CNTNAP2: variants seen among roughly 807,000 people sequenced by gnomAD.
CNTNAP2 encodes contactin associated protein 2, also known as contactin-associated protein-like 2.
A neutral mutation model predicts 155.2 loss-of-function variants in CNTNAP2; 98 were observed. That is an observed-to-expected ratio of 0.63 (90% CI 0.54 to 0.75). CNTNAP2 has a LOEUF of 0.75. Ranked by LOEUF, CNTNAP2 falls within the 30% of genes least tolerant of loss-of-function variation. The pLI, the probability that CNTNAP2 is intolerant of heterozygous loss-of-function variation, is 0.00. For missense variants in CNTNAP2, 1,727 were observed against 1,688.1 expected (o/e 1.02, Z -0.40); for synonymous variants, 651 against 631.2 (o/e 1.03, Z -0.47).
In CNTNAP2 at chr7:147,555,207, G is replaced by A. The variant is rs553407202; in HGVS notation, c.1778-6931G>A. 2.9e-4 allele frequency among the ~76,000 whole-genome samples: 44 copies of A among 152,282 alleles called. No individual in the cohort carries two copies. In the South Asian group the frequency reaches 9.1e-3, roughly 32 times the overall value. ...TTTGAAAGCAAGATTAGGATCAGAA[G>A]GTGGTTTCATGGTTAAAAAGGGAGC... On this transcript the variant is annotated intron_variant, in intron 11 of 23. Coordinates refer to ENST00000361727, the MANE Select transcript of CNTNAP2 (RefSeq NM_014141.6).
intron 9 of CNTNAP2, among the ~76,000 whole-genome samples, chr7:147,372,417 A>G (rs901094623): frequency 2.6e-5 from 4 of 152,058 alleles, no homozygotes; most frequent in Non-Finnish European, 5.9e-5. Context: ...AAAACATTTC[A>G]TCTTTCTTGT....
chr7:148,333,307 A>G (rs886610396), intron 21 of CNTNAP2, among the ~76,000 whole-genome samples: 1 of 152,090 alleles, frequency 6.6e-6, no homozygotes, highest in Non-Finnish European at 1.5e-5. Flanking sequence ...ACACGCCTGT[A>G]ATCCCAGCTA....
chr7:146,248,809 C>T (rs1044150321), intron 1 of CNTNAP2, among the ~76,000 whole-genome samples: 13 of 152,116 alleles, frequency 8.5e-5, no homozygotes, highest in Admixed American at 8.5e-4. Flanking sequence ...GTCACGGCAC[C>T]AAATTTCATG....
chr7:146,309,675 G>A (rs1029444488), intron 1 of CNTNAP2, among the ~76,000 whole-genome samples: 28 of 151,982 alleles, frequency 1.8e-4, no homozygotes, highest in African/African-American at 4.1e-4. Flanking sequence ...GTTGGCGGGC[G>A]ACTGTAATCC....
chr7:146,146,110 A>T (rs2116765892), intron 1 of CNTNAP2, among the ~76,000 whole-genome samples: 1 of 152,318 alleles, frequency 6.6e-6, no homozygotes, highest in Admixed American at 6.5e-5. Context: ...CAGTTGAAAG[A>T]AATGTATAAC....
intron 9 of CNTNAP2, among the ~76,000 whole-genome samples, chr7:147,313,270 G>A (rs1184725078): frequency 6.6e-6 from 1 of 151,992 alleles, no homozygotes; most frequent in East Asian, 1.9e-4. Flanking sequence ...AGTTTAATTA[G>A]ATCCCATTTA....
At chr7:146,302,832 AG>A (rs1800634914) in intron 1 of CNTNAP2, among the ~76,000 whole-genome samples, 1 of 152,162 alleles carries the variant, frequency 6.6e-6, no homozygotes, top group African/African-American at 2.4e-5. Context: ...TTCTGTTACT[AG>A]AAATTCATCT....
chr7:147,921,114 T>C (rs187102713), intron 14 of CNTNAP2, among the ~76,000 whole-genome samples: 29 of 152,040 alleles, frequency 1.9e-4, no homozygotes, highest in African/African-American at 6.7e-4. Context: ...CTGCCTCCTT[T>C]TTTTTTTTTG....
intron 1 of CNTNAP2, among the ~76,000 whole-genome samples, chr7:146,175,402 A>T (rs1798456076): frequency 6.6e-6 from 1 of 152,172 alleles, no homozygotes; most frequent in South Asian, 2.1e-4. Flanking sequence ...TTCTGGTTCT[A>T]ATACATCCTT....
chr7:147,453,335 T>C (rs555958465), intron 10 of CNTNAP2, among the ~76,000 whole-genome samples: 2 of 152,310 alleles, frequency 1.3e-5, no homozygotes, highest in South Asian at 4.1e-4. Flanking sequence ...CTATGACTTC[T>C]GCTGTCTCAG....
chr7:146,200,056 T>C (rs1486757078), intron 1 of CNTNAP2, among the ~76,000 whole-genome samples: 53 of 152,164 alleles, frequency 3.5e-4, no homozygotes, highest in Admixed American at 3.4e-3. Flanking sequence ...TGTGAAGAAG[T>C]AGAATCTGTC....
chr7:146,154,527 A>G (rs994268609), intron 1 of CNTNAP2, among the ~76,000 whole-genome samples: 2 of 152,200 alleles, frequency 1.3e-5, no homozygotes, highest in Non-Finnish European at 2.9e-5. Context: ...CAAGGAAGTC[A>G]ATATTGAATT....
In CNTNAP2 at chr7:146,980,931, A is replaced by C. The variant is rs190670948; in HGVS notation, c.403-62976A>C. Among the ~76,000 whole-genome samples, 300 of 152,238 alleles carry C rather than the reference A, an allele frequency of 2.0e-3. 3 individuals carry two copies. The highest frequency in any genetic ancestry group is 6.4e-3 in the African/African-American group (266 of 41,530). On this transcript the variant is annotated intron_variant, in intron 3 of 23. Coordinates refer to ENST00000361727, the MANE Select transcript of CNTNAP2 (RefSeq NM_014141.6). ...TTCAGCTACTGAGTGTGGAAAACAG[A>C]CAAGAGAAGTCACAACTGCTTTTTC...
chr7:146,925,751 C>T (rs1796596067), intron 3 of CNTNAP2, among the ~76,000 whole-genome samples: 1 of 152,120 alleles, frequency 6.6e-6, no homozygotes, highest in Non-Finnish European at 1.5e-5. Context: ...GATGCTCTGA[C>T]AACACCTTGA....
intron 13 of CNTNAP2, among the ~76,000 whole-genome samples, chr7:147,848,303 G>A (rs920184973): frequency 2.0e-5 from 3 of 149,020 alleles, no homozygotes; most frequent in African/African-American, 4.9e-5. Flanking sequence ...CTCGTGGTGC[G>A]CCGTTTCTTA....
intron 21 of CNTNAP2, among the ~76,000 whole-genome samples, chr7:148,317,154 G>A (rs1797705639): frequency 6.6e-6 from 1 of 152,170 alleles, no homozygotes; most frequent in Admixed American, 6.5e-5. Context: ...TCAGGAGTTT[G>A]AGACCATCCT....
intron 11 of CNTNAP2, among the ~76,000 whole-genome samples, chr7:147,539,237 T>C (rs1049185893): frequency 6.6e-6 from 1 of 152,140 alleles, no homozygotes; most frequent in Non-Finnish European, 1.5e-5. Flanking sequence ...AGATAATAGC[T>C]AGCATAATGA....
chr7:147,840,000 A>G (rs1048222449), intron 13 of CNTNAP2, among the ~76,000 whole-genome samples: 2 of 152,024 alleles, frequency 1.3e-5, no homozygotes, highest in Non-Finnish European at 2.9e-5. Flanking sequence ...CAAGAATGAA[A>G]TCATGTCTTT....
chr7:148,360,426 A>G (rs1798596949), intron 21 of CNTNAP2, among the ~76,000 whole-genome samples: 1 of 152,238 alleles, frequency 6.6e-6, no homozygotes, highest in Non-Finnish European at 1.5e-5. Context: ...GCCCTCACCA[A>G]CCTCAGAAAA....
Sources: gnomAD v4.1 joint callset for allele counts (sites outside exome capture counted in the v4.1 genomes callset) on GRCh38, gnomAD v4.1.1 for gene constraint, MANE v1.5 for transcripts, NCBI Gene and HGNC (gene_info 2026-07-23, HGNC 2026-07-21) for gene names.